Variants in SUCLA2 observed in about 807,000 individuals in gnomAD.
SUCLA2 encodes succinate--CoA ligase [ADP-forming] subunit beta, mitochondrial.
A neutral mutation model predicts 54.8 loss-of-function variants in SUCLA2; 30 were observed. The ratio of observed to expected loss-of-function variants is 0.55; its 90% confidence interval spans 0.41 to 0.74. The LOEUF (loss-of-function observed/expected upper bound fraction) is 0.74, where lower values mean the gene tolerates loss of function less well. SUCLA2 is among the 30% of genes least tolerant of loss of function. The probability of loss-of-function intolerance (pLI) is 0.00; values close to 1 mark genes in which losing one functional copy is unlikely to be tolerated. For synonymous variants in SUCLA2, 172 were observed against 188.9 expected, an observed-to-expected ratio of 0.91 and a Z score of 0.74; for missense variants, 476 against 562.9, an observed-to-expected ratio of 0.85 and a Z score of 1.56.
chr13:47,968,468 T>A (rs570452976), intron 6 of SUCLA2, 127 bp downstream of exon 6: 4 of 1,006,516 alleles, frequency 4.0e-6, no homozygotes, highest in Non-Finnish European at 5.8e-6. Flanking sequence ...TTCTATCTGA[T>A]TTTTTTTTAA....
Position 47,997,125 on chromosome 13 carries a change from T to C in SUCLA2, c.91-102A>G, listed in dbSNP as rs1950198013. On this transcript the variant is annotated intron_variant, in intron 1 of 10. Coordinates refer to ENST00000646932, the MANE Select transcript of SUCLA2 (RefSeq NM_003850.3). ...CTATAACAAAACTGTTACATTACAT[T>C]AGCAAAGTACAATATTCAGAGTACC... 25 of 1,214,168 alleles carry C rather than the reference T, an allele frequency of 2.1e-5. No homozygotes were observed. In the South Asian group the frequency reaches 2.5e-4, roughly 12 times the overall value. 75.2% of individuals were successfully genotyped at this position (1,214,168 alleles called of 1,614,324 possible).
intron 4 of SUCLA2, among the ~76,000 whole-genome samples, chr13:47,976,600 G>A (rs992229495): frequency 2.6e-5 from 4 of 152,140 alleles, no homozygotes; most frequent in Admixed American, 6.6e-5. Flanking sequence ...CAGAAAATGT[G>A]TAACATCCCA....
At chr13:47,976,328 G>GT (rs1268539945) in intron 4 of SUCLA2, among the ~76,000 whole-genome samples, 1 of 152,162 alleles carries the variant, frequency 6.6e-6, no homozygotes, top group African/African-American at 2.4e-5. Context: ...AATGAAATCA[G>GT]TAAGAAAAGC....
rs892297958 is a variant in SUCLA2, at chr13:47,988,423, C to G, written c.534+118G>C. On this transcript the variant is annotated intron_variant, in intron 4 of 10. Coordinates refer to ENST00000646932, the MANE Select transcript of SUCLA2 (RefSeq NM_003850.3). ...ACATAAATATCATGCTCATGACATACAAACAGATTATAATTTGTACTTTTA... is the reference window on the plus strand; with the variant it reads ...ACATAAATATCATGCTCATGACATAGAAACAGATTATAATTTGTACTTTTA... 3.3e-6 allele frequency: 4 copies of G among 1,225,968 alleles called. No individual in the cohort carries two copies. The African/African-American group carries it at 6.0e-5, about 18-fold the overall frequency. 75.9% of individuals were successfully genotyped at this position (1,225,968 alleles called of 1,614,324 possible).
At chr13:47,959,804 A>G (rs986961555) in intron 6 of SUCLA2, among the ~76,000 whole-genome samples, 3 of 152,238 alleles carry the variant, frequency 2.0e-5, no homozygotes, top group Admixed American at 1.3e-4. Flanking sequence ...TGATGAAGGT[A>G]AAATAAGAAA....
intron 2 of SUCLA2, among the ~76,000 whole-genome samples, chr13:47,994,210 C>A (rs760341522): frequency 6.6e-6 from 1 of 151,910 alleles, no homozygotes; most frequent in African/African-American, 2.4e-5. Flanking sequence ...TCTAAGGTCC[C>A]TCATTCTACA....
chr13:47,950,447 A>G (rs1471934301), intron 8 of SUCLA2, among the ~76,000 whole-genome samples: 2 of 152,120 alleles, frequency 1.3e-5, no homozygotes, highest in African/African-American at 4.8e-5. Flanking sequence ...GTACATATGC[A>G]TAGACCTGCT....
At chr13:47,975,657 T>C (rs1449257813) in intron 4 of SUCLA2, among the ~76,000 whole-genome samples, 1 of 152,244 alleles carries the variant, frequency 6.6e-6, no homozygotes, top group Non-Finnish European at 1.5e-5. Context: ...AAAATGATTT[T>C]GTACCATGTA....
chr13:47,974,223 A>C (rs563319445), intron 4 of SUCLA2, among the ~76,000 whole-genome samples: 1 of 152,208 alleles, frequency 6.6e-6, no homozygotes, highest in Non-Finnish European at 1.5e-5. Flanking sequence ...AAATCCTGAA[A>C]ACAGATATTT....
chr13:47,948,998 A>C lies in SUCLA2; in HGVS notation c.1259T>G (p.Ile420Arg). Reference sequence around the variant, plus strand: ...AAGTATTTTAAGTCCACTGTCCGCTATCAGTGCCTTAGCATCATCGACTCG... The same window carrying C: ...AAGTATTTTAAGTCCACTGTCCGCTCTCAGTGCCTTAGCATCATCGACTCG... ...GTRVDDAKALIADSGLKILAC... is the reference protein window; with the variant it reads ...GTRVDDAKALRADSGLKILAC... Residue 420 changes from isoleucine (I) to arginine (R), a missense_variant, in exon 10 of 11, where the codon ATA becomes AGA. Coordinates refer to ENST00000646932, the MANE Select transcript of SUCLA2 (RefSeq NM_003850.3). 6.2e-7 allele frequency: 1 copy of C among 1,613,830 alleles called. No individual in the cohort carries two copies. Among genetic ancestry groups the C allele is most frequent in the Non-Finnish European group, 8.5e-7 (1 of 1,179,762 alleles).
Position 47,948,926 on chromosome 13 carries a change from C to T in SUCLA2, c.1317+14G>A, listed in dbSNP as rs1247336355. The T allele has an allele frequency of 3.1e-6, 5 of 1,612,414 alleles. No homozygotes were observed. Among genetic ancestry groups the T allele is most frequent in the Non-Finnish European group, 3.4e-6 (4 of 1,178,568 alleles). ...TGTTTATAAATCCTCCTTAGATGAA[C>T]ATGGCCAATTTACCATTCTAGCAGC... On this transcript the variant is annotated intron_variant, in intron 10 of 10. Coordinates refer to ENST00000646932, the MANE Select transcript of SUCLA2 (RefSeq NM_003850.3).
At chr13:47,968,556 TA>T in intron 6 of SUCLA2, 38 bp downstream of exon 6, 2 of 1,608,830 alleles carry the variant, frequency 1.2e-6, no homozygotes, top group Non-Finnish European at 1.7e-6. Context: ...ATTAGAGAAA[TA>T]AATGCATAAT....
At position 47,988,893 on chromosome 13, in the gene SUCLA2, C is replaced by A; in HGVS notation, c.360G>T (p.Lys120Asn). 8.1e-6 allele frequency: 13 copies of A among 1,612,360 alleles called. No individual in the cohort carries two copies. The highest frequency in any genetic ancestry group is 1.1e-5 in the Non-Finnish European group (13 of 1,179,762). The change falls in exon 3 of 11, where the codon AAG becomes AAT. Residue 120 changes from lysine to asparagine, a missense_variant. Lys to Asn is a moderately conservative substitution (Grantham distance 94, BLOSUM62 0). Around this residue, in one of 2 missense-constraint regions of SUCLA2, gnomAD observed 342 missense variants for 444.2 expected, o/e 0.77. Coordinates refer to ENST00000646932, the MANE Select transcript of SUCLA2 (RefSeq NM_003850.3). ...TFESGLKGGV[K>N]IVFSPEEAKA... Reference sequence around the variant, plus strand: ...AAAATGTGACTTACGAGAAAACTATCTTCACTCCTCCTTTGAGGCCACTTT... The same window carrying A: ...AAAATGTGACTTACGAGAAAACTATATTCACTCCTCCTTTGAGGCCACTTT...
chr13:47,964,928 T>C (rs1024107932), intron 6 of SUCLA2, among the ~76,000 whole-genome samples: 1 of 151,842 alleles, frequency 6.6e-6, no homozygotes, highest in African/African-American at 2.4e-5. Flanking sequence ...AAAGTCTGTA[T>C]TTGTTTCAAT....
In SUCLA2 at chr13:47,955,448, C is replaced by T. The variant is rs367987190; in HGVS notation, c.803-891G>A. Among the ~76,000 whole-genome samples, 7 of 152,246 alleles carry T rather than the reference C, an allele frequency of 4.6e-5. No individual in the cohort carries two copies. The East Asian group carries it at 7.7e-4, about 17-fold the overall frequency. ...AATTGCTGACCTCAAGTAATCCACCCGCCTCAGCCTCTCAAAATGCTGAGA... is the reference window on the plus strand; with the variant it reads ...AATTGCTGACCTCAAGTAATCCACCTGCCTCAGCCTCTCAAAATGCTGAGA... On this transcript the variant is annotated intron_variant, in intron 6 of 10. Transcript: ENST00000646932.
chr13:47,973,794 A>G (rs1949987028), intron 4 of SUCLA2, among the ~76,000 whole-genome samples: 1 of 152,198 alleles, frequency 6.6e-6, no homozygotes, highest in African/African-American at 2.4e-5. Flanking sequence ...TTGCAGGGAC[A>G]TGGATGAAGC....
At chr13:47,999,597 C>CT (rs1451154048) in intron 1 of SUCLA2, among the ~76,000 whole-genome samples, 1 of 151,840 alleles carries the variant, frequency 6.6e-6, no homozygotes, top group Non-Finnish European at 1.5e-5. Context: ...GTCCCAGCTA[C>CT]TAGGGAGGCT....
At position 47,943,199 on chromosome 13, in the gene SUCLA2, C is replaced by T. The variant is rs1236193095; in HGVS notation, c.*172G>A. ...ATTATACATGCTTCGTACAAACAGT[C>T]CATTCTGAATGGTACAATTAAATGC... On this transcript the variant is annotated 3_prime_UTR_variant, in exon 11 of 11. Coordinates refer to ENST00000646932, the MANE Select transcript of SUCLA2 (RefSeq NM_003850.3). 1.4e-6 allele frequency: 1 copy of T among 703,430 alleles called. No individual in the cohort carries two copies. The highest frequency in any genetic ancestry group is 2.2e-5 in the Admixed American group (1 of 45,736). 43.6% of individuals were successfully genotyped at this position (703,430 alleles called of 1,614,324 possible).
chr13:47,997,463 C>T (rs1219339579), intron 1 of SUCLA2, among the ~76,000 whole-genome samples: 3 of 152,164 alleles, frequency 2.0e-5, no homozygotes, highest in Non-Finnish European at 2.9e-5. Context: ...TTCATACACT[C>T]GATATTCAAA....
Sources: gnomAD v4.1 joint callset for allele counts (sites outside exome capture counted in the v4.1 genomes callset) on GRCh38, gnomAD v4.1.1 for gene constraint, gnomAD v4.1.1 regional missense constraint, MANE v1.5 for transcripts, NCBI Gene and HGNC (gene_info 2026-07-23, HGNC 2026-07-21) for gene names.